CNTN5: variants seen among roughly 807,000 people sequenced by gnomAD.
The protein encoded by CNTN5 is contactin-5.
A neutral mutation model predicts 129.1 loss-of-function variants in CNTN5; 77 were observed. The observed-to-expected ratio is 0.60, with a 90% CI of 0.50 to 0.72. The LOEUF is 0.72. Ranked by LOEUF, CNTN5 falls within the 30% of genes least tolerant of loss-of-function variation. The pLI is 0.00. For missense variants in CNTN5, 1,478 were observed against 1,328.8 expected (o/e 1.11, Z -1.75); for synonymous variants, 509 against 465.6 (o/e 1.09, Z -1.20).
chr11:100,000,707 A>T (rs1939809285), intron 8 of CNTN5, among the ~76,000 whole-genome samples: 1 of 152,174 alleles, frequency 6.6e-6, no homozygotes, highest in Non-Finnish European at 1.5e-5. Context: ...GTTCTCCATT[A>T]GGGATCTTTC....
chr11:99,219,767 G>A (rs1199601602), intron 1 of CNTN5, among the ~76,000 whole-genome samples: 3 of 151,904 alleles, frequency 2.0e-5, no homozygotes, highest in Non-Finnish European at 4.4e-5. Flanking sequence ...GTACTATGAG[G>A]GTAGAGGGTA....
At chr11:99,815,045 C>T (rs549423531) in intron 3 of CNTN5, among the ~76,000 whole-genome samples, 8 of 152,004 alleles carry the variant, frequency 5.3e-5, no homozygotes, top group Admixed American at 4.6e-4. Flanking sequence ...GGGAAACTGC[C>T]CCCCTGACTC....
At chr11:99,213,361 T>TATACAC (rs1859921969) in intron 1 of CNTN5, among the ~76,000 whole-genome samples, 1 of 55,114 alleles carries the variant, frequency 1.8e-5, no homozygotes, top group African/African-American at 5.2e-5. Flanking sequence ...TATATGTGTA[T>TATACAC]ATATGTATAT....
intron 2 of CNTN5, among the ~76,000 whole-genome samples, chr11:99,519,901 G>A (rs552495323): frequency 1.4e-4 from 22 of 151,988 alleles, no homozygotes; most frequent in Admixed American, 3.9e-4. Flanking sequence ...AAGGAATCAG[G>A]AGAATTCCAG....
At chr11:99,529,275 A>G (rs1947608230) in intron 2 of CNTN5, among the ~76,000 whole-genome samples, 1 of 152,104 alleles carries the variant, frequency 6.6e-6, no homozygotes, top group South Asian at 2.1e-4. Flanking sequence ...ACACAGACAT[A>G]TTCAAAATAA....
intron 1 of CNTN5, among the ~76,000 whole-genome samples, chr11:99,249,876 A>G (rs990151341): frequency 6.6e-6 from 1 of 151,996 alleles, no homozygotes; most frequent in Non-Finnish European, 1.5e-5. Flanking sequence ...ATAAATAATA[A>G]TCCACAAATA....
intron 3 of CNTN5, among the ~76,000 whole-genome samples, chr11:99,778,768 G>A (rs2135376733): frequency 6.6e-6 from 1 of 151,816 alleles, no homozygotes; most frequent in South Asian, 2.1e-4. Flanking sequence ...ATTTTGGTAA[G>A]AAATAAAAAG....
At chr11:99,869,585 C>T (rs10894037) in intron 6 of CNTN5, among the ~76,000 whole-genome samples, 14,368 of 152,054 alleles carry the variant, frequency 0.094, 1,334 homozygotes, top group East Asian at 0.42. Flanking sequence ...CTTCTACTTC[C>T]GCTGTATATT....
intron 6 of CNTN5, among the ~76,000 whole-genome samples, chr11:99,913,293 T>G (rs1253680344): frequency 6.6e-6 from 1 of 152,042 alleles, no homozygotes; most frequent in Non-Finnish European, 1.5e-5. Context: ...CCATTCTGCC[T>G]TAGATCAACC....
chr11:99,373,865 C>T (rs1281816197), intron 2 of CNTN5, among the ~76,000 whole-genome samples: 1 of 151,784 alleles, frequency 6.6e-6, no homozygotes, highest in Non-Finnish European at 1.5e-5. Context: ...ATTATGATTA[C>T]AGTTTTTAAA....
At chr11:100,351,430 C>A (rs1952409286) in intron 24 of CNTN5, among the ~76,000 whole-genome samples, 1 of 151,186 alleles carries the variant, frequency 6.6e-6, no homozygotes, top group South Asian at 2.1e-4. Flanking sequence ...TAGTAACAAT[C>A]ATATGAGATA....
chr11:99,643,690 G>A (rs1951849842), intron 3 of CNTN5, among the ~76,000 whole-genome samples: 1 of 152,016 alleles, frequency 6.6e-6, no homozygotes, highest in South Asian at 2.1e-4. Context: ...TATATTCTAA[G>A]CACAGCTGGT....
intron 13 of CNTN5, among the ~76,000 whole-genome samples, chr11:100,093,102 C>A (rs1452576): frequency 0.78 from 119,239 of 151,942 alleles, 47,736 homozygotes; most frequent in East Asian, 1. Flanking sequence ...GTCCCTGATC[C>A]GCCATACATG....
rs112814258 is a variant in CNTN5 at position 99,992,832 on chromosome 11, T to G, written c.878-9202T>G. 4.2e-3 allele frequency among the ~76,000 whole-genome samples: 642 copies of G among 152,336 alleles called. 1 individual carries two copies. Among genetic ancestry groups the G allele is most frequent in the Non-Finnish European group, 7.4e-3 (506 of 68,034 alleles). ...TGCTTTCAGCTGGAAGGCTTCTGTT[T>G]ATGAGAAATTAGGGTAATTTAAGGT... On this transcript the variant is annotated intron_variant, in intron 8 of 24. Transcript: ENST00000524871.
chr11:99,353,601 T>C (rs981907850), intron 2 of CNTN5, among the ~76,000 whole-genome samples: 3 of 152,230 alleles, frequency 2.0e-5, no homozygotes, highest in Non-Finnish European at 4.4e-5. Flanking sequence ...GATTTAACTT[T>C]GCATATGTAT....
At chr11:99,102,388 G>C (rs950766177) in intron 1 of CNTN5, among the ~76,000 whole-genome samples, 1 of 152,030 alleles carries the variant, frequency 6.6e-6, no homozygotes, top group Admixed American at 6.6e-5. Flanking sequence ...TTATAAAATG[G>C]GTTTTTCTTT....
chr11:99,907,829 C>G (rs1394704370), intron 6 of CNTN5, among the ~76,000 whole-genome samples: 1 of 151,976 alleles, frequency 6.6e-6, no homozygotes, highest in Non-Finnish European at 1.5e-5. Context: ...AATTTTTATA[C>G]TGATAACATT....
At chr11:99,641,081 G>T (rs1241523146) in intron 3 of CNTN5, among the ~76,000 whole-genome samples, 9 of 152,188 alleles carry the variant, frequency 5.9e-5, no homozygotes, top group African/African-American at 2.2e-4. Flanking sequence ...CACTTAAGGA[G>T]GTTAAAAATT....
intron 3 of CNTN5, among the ~76,000 whole-genome samples, chr11:99,749,399 TTAAG>T (rs1944160569): frequency 2.0e-5 from 3 of 152,346 alleles, no homozygotes; most frequent in Admixed American, 1.3e-4. Context: ...CTTGTAAAGA[TTAAG>T]TTAGTTACTA....
Sources: gnomAD v4.1 joint callset for allele counts (sites outside exome capture counted in the v4.1 genomes callset) on GRCh38, gnomAD v4.1.1 for gene constraint, MANE v1.5 for transcripts, NCBI Gene and HGNC (gene_info 2026-07-23, HGNC 2026-07-21) for gene names.